TEX9: variants seen among roughly 807,000 people sequenced by gnomAD.
TEX9 encodes testis-expressed protein 9.
Under a neutral mutation model 59.6 loss-of-function variants are expected in TEX9, and 74 were observed. The ratio of observed to expected loss-of-function variants is 1.24; its 90% confidence interval spans 1.03 to 1.51. The LOEUF is 1.51. Ranked by LOEUF, TEX9 falls within the 40% of genes most tolerant of loss-of-function variation. The pLI, the probability that TEX9 is intolerant of heterozygous loss-of-function variation, is 0.00. For synonymous variants in TEX9, 186 were observed against 152.2 expected (o/e 1.22, Z -1.64); for missense variants, 522 against 447.8 (o/e 1.17, Z -1.49).
chr15:56,268,307 AC>A (rs1360798814), intron 1 of TEX9, among the ~76,000 whole-genome samples: 2 of 152,076 alleles, frequency 1.3e-5, no homozygotes, highest in African/African-American at 2.4e-5. Flanking sequence ...CTAATTGAAT[AC>A]CCTTTATTTC....
chr15:56,343,926 A>G (rs989177376), intron 1 of TEX9, among the ~76,000 whole-genome samples: 2 of 152,194 alleles, frequency 1.3e-5, no homozygotes, highest in African/African-American at 4.8e-5. Context: ...AACTTTTAAC[A>G]TCTTTAGCCA....
At position 56,280,818 on chromosome 15, in the gene TEX9, T is replaced by G. The variant is rs188192013; in HGVS notation, c.-107+36540T>G. On this transcript the variant is annotated intron_variant, in intron 1 of 5. Coordinates refer to the TEX9 transcript ENST00000560827. Reference sequence around the variant, plus strand: ...TTTTATGCCTAAGACTGAGTATTAATTAGAAAAATCAATGTTATTGCAAAG... The same window carrying G: ...TTTTATGCCTAAGACTGAGTATTAAGTAGAAAAATCAATGTTATTGCAAAG... Among the ~76,000 whole-genome samples the G allele has an allele frequency of 5.9e-5, 9 of 152,292 alleles. No homozygotes were observed. In the East Asian group the frequency reaches 1.7e-3, roughly 29 times the overall value.
At chr15:56,299,748 C>T (rs144221118) in intron 1 of TEX9, among the ~76,000 whole-genome samples, 2 of 152,108 alleles carry the variant, frequency 1.3e-5, no homozygotes, top group Admixed American at 1.3e-4. Context: ...CCATTCCAGG[C>T]CCTTGCTCCA....
At chr15:56,263,954 A>G (rs2044324232) in intron 1 of TEX9, among the ~76,000 whole-genome samples, 1 of 152,136 alleles carries the variant, frequency 6.6e-6, no homozygotes, top group African/African-American at 2.4e-5. Flanking sequence ...GGTGAAAGAC[A>G]TTTTTGGGGT....
intron 1 of TEX9, among the ~76,000 whole-genome samples, chr15:56,306,539 A>G (rs957123805): frequency 1.1e-4 from 16 of 152,176 alleles, no homozygotes; most frequent in African/African-American, 3.9e-4. Flanking sequence ...TCACTCATTT[A>G]TGGGAGCTAA....
chr15:56,438,605 C>T (rs2050767968), intron 12 of TEX9, among the ~76,000 whole-genome samples: 1 of 152,122 alleles, frequency 6.6e-6, no homozygotes, highest in Non-Finnish European at 1.5e-5. Flanking sequence ...ATGTCTAAAA[C>T]ACCAAAAGCA....
At chr15:56,276,876 G>T (rs925024019) in intron 1 of TEX9, among the ~76,000 whole-genome samples, 1 of 152,110 alleles carries the variant, frequency 6.6e-6, no homozygotes, top group African/African-American at 2.4e-5. Flanking sequence ...GTGTGAGATG[G>T]TATTTCATTG....
intron 10 of TEX9, among the ~76,000 whole-genome samples, chr15:56,420,818 C>T (rs1243484619): frequency 6.6e-6 from 1 of 151,820 alleles, no homozygotes; most frequent in African/African-American, 2.4e-5. Context: ...ACAAACTTTA[C>T]GAGTTTGTCA....
chr15:56,348,339 TA>T (rs1389031576), intron 1 of TEX9, among the ~76,000 whole-genome samples: 1 of 152,088 alleles, frequency 6.6e-6, no homozygotes, highest in African/African-American at 2.4e-5. Flanking sequence ...GGAATCAGGA[TA>T]ATTGAGATTC....
At chr15:56,350,678 G>T (rs2460646) in intron 1 of TEX9, among the ~76,000 whole-genome samples, 52,116 of 151,962 alleles carry the variant, frequency 0.34, 10,470 homozygotes, top group Non-Finnish European at 0.45. Context: ...AGCAATCCTG[G>T]TCCCATAAAT....
chr15:56,249,768 A>G (rs1482501143), intron 1 of TEX9, among the ~76,000 whole-genome samples: 1 of 149,518 alleles, frequency 6.7e-6, no homozygotes, highest in Non-Finnish European at 1.5e-5. Flanking sequence ...AAAAAAAAAA[A>G]GAGGAAAGAA....
At chr15:56,279,346 A>T (rs1429052163) in intron 1 of TEX9, among the ~76,000 whole-genome samples, 1 of 152,208 alleles carries the variant, frequency 6.6e-6, no homozygotes, top group Non-Finnish European at 1.5e-5. Context: ...AATAATTTTT[A>T]AAAATTAAGA....
At chr15:56,347,433 G>C (rs776840141) in intron 1 of TEX9, among the ~76,000 whole-genome samples, 5 of 151,988 alleles carry the variant, frequency 3.3e-5, no homozygotes, top group Non-Finnish European at 7.4e-5. Context: ...AGAAAAATAT[G>C]CCTAATTGAT....
At chr15:56,404,870 A>T (rs1383676530) in intron 9 of TEX9, among the ~76,000 whole-genome samples, 1 of 152,170 alleles carries the variant, frequency 6.6e-6, no homozygotes, top group Non-Finnish European at 1.5e-5. Flanking sequence ...TTCTCAGCAA[A>T]CTATCACAAG....
At chr15:56,285,576 T>C (rs1323422669) in intron 1 of TEX9, among the ~76,000 whole-genome samples, 3 of 152,152 alleles carry the variant, frequency 2.0e-5, no homozygotes, top group Non-Finnish European at 4.4e-5. Flanking sequence ...GTGGCTTTGA[T>C]ATTGTAGCTT....
chr15:56,373,098 G>T lies in TEX9; in HGVS notation c.120-343G>T, dbSNP rs2047264536. Among the ~76,000 whole-genome samples the T allele has an allele frequency of 2.0e-5, 3 of 152,154 alleles. No individual in the cohort carries two copies. In the South Asian group the frequency reaches 6.2e-4, roughly 31 times the overall value. ...CTCTGGAGAAGCAAGGTTAGAATTT[G>T]CATTCTTTGCAGGTAGGCTAATAAC... On this transcript the variant is annotated intron_variant, in intron 2 of 12. Coordinates refer to ENST00000352903, the Ensembl canonical transcript of TEX9.
chr15:56,316,692 C>A (rs192152952), intron 1 of TEX9, among the ~76,000 whole-genome samples: 4 of 152,156 alleles, frequency 2.6e-5, no homozygotes, highest in Non-Finnish European at 5.9e-5. Flanking sequence ...TTGGAGCTTC[C>A]GGGCTGCTTT....
At chr15:56,300,267 G>A (rs2045312098) in intron 1 of TEX9, among the ~76,000 whole-genome samples, 1 of 151,590 alleles carries the variant, frequency 6.6e-6, no homozygotes, top group Middle Eastern at 3.5e-3. Context: ...CATGAGGAGA[G>A]GCTCCTTCTA....
chr15:56,431,601 T>TTAGTGTC, intron 12 of TEX9: 1 of 1,075,594 alleles, frequency 9.3e-7, no homozygotes, highest in Non-Finnish European at 1.3e-6. Context: ...ATTGATGAAC[T>TTAGTGTC]ATTTATGACA....
Sources: allele counts gnomAD v4.1 joint callset (sites outside exome capture counted in the v4.1 genomes callset), GRCh38; gene constraint gnomAD v4.1.1; transcripts MANE v1.5; gene names NCBI Gene and HGNC (gene_info 2026-07-23, HGNC 2026-07-21).